Variants in FERMT2 observed in about 807,000 individuals in gnomAD.
FERMT2 encodes fermitin family homolog 2.
A neutral mutation model predicts 82.7 loss-of-function variants in FERMT2; 15 were observed. The ratio of observed to expected loss-of-function variants is 0.18; its 90% CI spans 0.12 to 0.28. FERMT2 has a LOEUF of 0.28. Ranked by LOEUF, FERMT2 falls within the 10% of genes least tolerant of loss-of-function variation. FERMT2 has a pLI of 1.00. For synonymous variants in FERMT2, 274 were observed against 271.5 expected, an observed-to-expected ratio of 1.01 and a Z score of -0.09; for missense variants, 645 against 809.4, an observed-to-expected ratio of 0.80 and a Z score of 2.46.
At chr14:52,932,117 G>A (rs1889613296) in intron 2 of FERMT2, among the ~76,000 whole-genome samples, 1 of 152,200 alleles carries the variant, frequency 6.6e-6, no homozygotes, top group South Asian at 2.1e-4. Context: ...GGAGCCAAAG[G>A]ACAGAGAAGT....
At position 52,875,360 on chromosome 14, in the gene FERMT2, G is replaced by A; in HGVS notation, c.964-3C>T. ...ATTGACAGCTTATTGATATGATACT[G>A]AAACCAGAATTATTTTATTAAAATA... On this transcript the variant is annotated splice_polypyrimidine_tract_variant and splice_region_variant and intron_variant, in intron 7 of 14. Coordinates refer to ENST00000341590, the MANE Select transcript of FERMT2 (RefSeq NM_006832.3). 6.4e-7 allele frequency: 1 copy of A among 1,570,778 alleles called. No individual in the cohort carries two copies. Among genetic ancestry groups the A allele is most frequent in the Non-Finnish European group, 8.7e-7 (1 of 1,149,042 alleles).
intron 3 of FERMT2, among the ~76,000 whole-genome samples, chr14:52,902,863 C>A: frequency 6.0e-5 from 1 of 16,624 alleles, no homozygotes; most frequent in Non-Finnish European, 1.1e-4. Flanking sequence ...AGCAAGACTC[C>A]GTCTCAAAAA....
chr14:52,903,278 C>T (rs1440575978), intron 3 of FERMT2, among the ~76,000 whole-genome samples: 1 of 152,072 alleles, frequency 6.6e-6, no homozygotes, highest in Non-Finnish European at 1.5e-5. Context: ...TGACTCATGC[C>T]TGTAATCTCA....
In FERMT2 at chr14:52,919,344, T is replaced by G; in HGVS notation, c.170A>C (p.Asp57Ala). 1 of 1,594,908 alleles carries G rather than the reference T, an allele frequency of 6.3e-7. No individual in the cohort carries two copies. The change falls in exon 3 of 15, where the codon GAT (aspartate) becomes GCT (alanine). Residue 57 changes from aspartate to alanine, a missense_variant. Coordinates refer to ENST00000341590, the MANE Select transcript of FERMT2 (RefSeq NM_006832.3). ...CCACCAGAGAGCATGGTCAGACCAATCTTTTTTTACATCTATAAAAAACAA... is the reference window on the plus strand; with the variant it reads ...CCACCAGAGAGCATGGTCAGACCAAGCTTTTTTTACATCTATAAAAAACAA... ...KLVEKLDVKK[D>A]WSDHALWWEK...
chr14:52,948,538 T>C (rs528530478), intron 2 of FERMT2: 14 of 453,930 alleles, frequency 3.1e-5, no homozygotes, highest in African/African-American at 2.6e-4. Context: ...GATGTAAGGT[T>C]TCCATACGCA....
chr14:52,865,524 G>T (rs1566717448), intron 10 of FERMT2, among the ~76,000 whole-genome samples: 1 of 152,106 alleles, frequency 6.6e-6, no homozygotes, highest in African/African-American at 2.4e-5. Flanking sequence ...TTTAACTTCT[G>T]TAAGTCGACA....
Position 52,858,511 on chromosome 14 carries a change from T to C in FERMT2, c.1909A>G (p.Ile637Val). 1 of 1,614,160 alleles carries C rather than the reference T, an allele frequency of 6.2e-7. No homozygotes were observed. Among genetic ancestry groups the C allele is most frequent in the Non-Finnish European group, 8.5e-7 (1 of 1,180,006 alleles). Reference sequence around the variant, plus strand: ...ACTTTGCAATCTACTTCAGTACAAATGAAGGACAATCGTACTTCATCTGCA... The same window carrying C: ...ACTTTGCAATCTACTTCAGTACAAACGAAGGACAATCGTACTTCATCTGCA... ...EFADEVRLSF[I>V]CTEVDCKVVH... Residue 637 changes from isoleucine to valine, a missense_variant, in exon 15 of 15, where the codon ATT becomes GTT. Coordinates refer to ENST00000341590, the MANE Select transcript of FERMT2 (RefSeq NM_006832.3).
chr14:52,880,089 C>T (rs973815394), intron 6 of FERMT2, among the ~76,000 whole-genome samples: 13 of 152,054 alleles, frequency 8.5e-5, no homozygotes, highest in Admixed American at 3.3e-4. Context: ...TAGTGAGACT[C>T]TGTCTCTACA....
At chr14:52,863,045 T>A (rs1484786409) in intron 12 of FERMT2, 1 of 55,312 alleles carries the variant, frequency 1.8e-5, no homozygotes, top group Non-Finnish European at 5.9e-5. Flanking sequence ...AGATTCTGTA[T>A]AAATAATTTT....
chr14:52,918,205 A>T (rs954133527), intron 3 of FERMT2, among the ~76,000 whole-genome samples: 1 of 152,214 alleles, frequency 6.6e-6, no homozygotes, highest in Non-Finnish European at 1.5e-5. Flanking sequence ...ATTACAGCTT[A>T]AAAGAATGTA....
At chr14:52,913,235 T>C (rs1888425110) in intron 3 of FERMT2, among the ~76,000 whole-genome samples, 1 of 152,200 alleles carries the variant, frequency 6.6e-6, no homozygotes, top group Non-Finnish European at 1.5e-5. Flanking sequence ...ATAAATGGGA[T>C]AATGTAGACA....
At chr14:52,892,167 T>A (rs61671682) in intron 4 of FERMT2, among the ~76,000 whole-genome samples, 1 of 4,480 alleles carries the variant, frequency 2.2e-4, no homozygotes, top group African/African-American at 2.4e-4. Context: ...CTGTTTTTTG[T>A]TTTTTTTTTT....
At chr14:52,936,447 T>C (rs1889840198) in intron 2 of FERMT2, among the ~76,000 whole-genome samples, 2 of 152,216 alleles carry the variant, frequency 1.3e-5, no homozygotes, top group African/African-American at 4.8e-5. Context: ...TTAAAGTCTT[T>C]TATGGGCATC....
In FERMT2 at chr14:52,860,886, T is replaced by C. The variant is rs1486234163; in HGVS notation, c.1603-421A>G. 9 of 731,858 alleles carry C rather than the reference T, an allele frequency of 1.2e-5. No homozygotes were observed. In the South Asian group the frequency reaches 1.6e-4, roughly 13 times the overall value. The allele number at this position is 731,858 out of a possible 1,614,324, so 45.3% of individuals were successfully genotyped here. Reference sequence around the variant, plus strand: ...ATATTTGTTAGCAGCTTTAAGGTACTTGAAATCACCATAATCATTTCTATT... The same window carrying C: ...ATATTTGTTAGCAGCTTTAAGGTACCTGAAATCACCATAATCATTTCTATT... On this transcript the variant is annotated intron_variant, in intron 12 of 14. Transcript: ENST00000341590.
At chr14:52,872,074 A>C (rs1405168970) in intron 10 of FERMT2, 1 of 152,484 alleles carries the variant, frequency 6.6e-6, no homozygotes, top group East Asian at 1.9e-4. Context: ...GAGTGGGACC[A>C]GCCTGTCATC....
At chr14:52,927,524 G>A (rs1366479890) in intron 2 of FERMT2, among the ~76,000 whole-genome samples, 1 of 149,122 alleles carries the variant, frequency 6.7e-6, no homozygotes, top group Non-Finnish European at 1.5e-5. Flanking sequence ...GGAGGTTTGA[G>A]GTGGGTGGGT....
intron 2 of FERMT2, among the ~76,000 whole-genome samples, chr14:52,924,121 A>G (rs1889115783): frequency 6.6e-6 from 1 of 152,214 alleles, no homozygotes; most frequent in Non-Finnish European, 1.5e-5. Flanking sequence ...TGTGTGCAAG[A>G]AGGCACTGTT....
At chr14:52,929,193 G>T (rs1271931473) in intron 2 of FERMT2, among the ~76,000 whole-genome samples, 1 of 151,974 alleles carries the variant, frequency 6.6e-6, no homozygotes, top group Non-Finnish European at 1.5e-5. Context: ...CTCAAGCTAG[G>T]AATCTGAAAG....
At chr14:52,917,509 TTAA>T (rs944583113) in intron 3 of FERMT2, among the ~76,000 whole-genome samples, 1 of 152,136 alleles carries the variant, frequency 6.6e-6, no homozygotes, top group African/African-American at 2.4e-5. Context: ...TTTCTCTATT[TTAA>T]TAATAATAAT....
Sources: allele counts gnomAD v4.1 joint callset (sites outside exome capture counted in the v4.1 genomes callset), GRCh38; gene constraint gnomAD v4.1.1; transcripts MANE v1.5; gene names NCBI Gene and HGNC (gene_info 2026-07-23, HGNC 2026-07-21).